The following ITGA9 variants were observed in gnomAD, a reference collection of about 807,000 sequenced individuals.
The protein encoded by ITGA9 is integrin subunit alpha 9.
In ITGA9, 56 loss-of-function variants were observed where a neutral mutation model predicts 127.8. That is an observed-to-expected ratio of 0.44 (90% CI 0.35 to 0.55). The LOEUF is 0.55. Among genes scored for constraint, ITGA9 ranks in the 20% least tolerant of loss-of-function variants. ITGA9 has a pLI of 0.00. For synonymous variants in ITGA9, 508 were observed against 514.5 expected (o/e 0.99, Z 0.17); for missense variants, 1,196 against 1,347.1 (o/e 0.89, Z 1.76).
At chr3:37,576,302 A>G (rs1414167184) in intron 15 of ITGA9, among the ~76,000 whole-genome samples, 1 of 152,148 alleles carries the variant, frequency 6.6e-6, no homozygotes, top group Non-Finnish European at 1.5e-5. Flanking sequence ...TTTAACAGAA[A>G]CACGCGTAAC....
intron 23 of ITGA9, among the ~76,000 whole-genome samples, chr3:37,758,259 CTTGCAGTGAGCCGAGA>C (rs1696678670): frequency 7.6e-6 from 1 of 131,596 alleles, no homozygotes; most frequent in Non-Finnish European, 1.5e-5. Context: ...GGAAGCGGAG[CTTGCAGTGAGCCGAGA>C]TTGCGCCACT....
intron 15 of ITGA9, among the ~76,000 whole-genome samples, chr3:37,561,539 A>G (rs1699487796): frequency 6.6e-6 from 1 of 152,220 alleles, no homozygotes; most frequent in African/African-American, 2.4e-5. Flanking sequence ...CACTTACAAA[A>G]GTTAAGAAGC....
chr3:37,614,555 C>T (rs1223474691), intron 15 of ITGA9, among the ~76,000 whole-genome samples: 2 of 150,854 alleles, frequency 1.3e-5, no homozygotes. Context: ...TTACCTTGGG[C>T]AGTATGGCCA....
intron 1 of ITGA9, among the ~76,000 whole-genome samples, chr3:37,455,403 A>G (rs981295887): frequency 3.9e-5 from 6 of 152,248 alleles, no homozygotes; most frequent in African/African-American, 9.6e-5. Context: ...GTATTACCAA[A>G]GTGCCAGTGA....
chr3:37,512,053 TTTCTTTCTTTCTTTCTTTCTTTCC>T lies in ITGA9; in HGVS notation c.898-1706_898-1683del, dbSNP rs1192242234. ...CTTTCTTTCTTTCTTTCTTTCTTTC[TTTCTTTCTTTCTTTCTTTCTTTCC>T]TTCCTTCCTTCCTTCCTTCCTTCCT... is the stretch of plus-strand genomic sequence containing the variant. On this transcript the variant is annotated intron_variant, in intron 8 of 27. Coordinates refer to ENST00000264741, the MANE Select transcript of ITGA9 (RefSeq NM_002207.3). 2.4e-4 allele frequency among the ~76,000 whole-genome samples: 14 copies of T among 57,578 alleles called. 1 individual carries two copies. The highest frequency in any genetic ancestry group is 5.0e-4 in the African/African-American group (10 of 20,074). The allele number at this position is 57,578 out of a possible 152,430, so 37.8% of individuals were successfully genotyped here.
intron 23 of ITGA9, among the ~76,000 whole-genome samples, chr3:37,774,066 A>C (rs1696875414): frequency 6.6e-6 from 1 of 152,194 alleles, no homozygotes; most frequent in Non-Finnish European, 1.5e-5. Context: ...TGAAATGCAG[A>C]ACTTCTTGAA....
At chr3:37,565,460 T>G (rs1388495940) in intron 15 of ITGA9, among the ~76,000 whole-genome samples, 24 of 152,212 alleles carry the variant, frequency 1.6e-4, no homozygotes, top group Non-Finnish European at 1.5e-5. Context: ...AATTGCCATA[T>G]ATGCTATGCA....
chr3:37,739,605 C>T (rs766171245), intron 20 of ITGA9, among the ~76,000 whole-genome samples: 12 of 152,240 alleles, frequency 7.9e-5, no homozygotes, highest in Non-Finnish European at 1.8e-4. Context: ...TGAACCTCTC[C>T]TCTCAGCAGC....
At chr3:37,768,588 A>C (rs907640896) in intron 23 of ITGA9, among the ~76,000 whole-genome samples, 2 of 152,160 alleles carry the variant, frequency 1.3e-5, no homozygotes, top group Non-Finnish European at 2.9e-5. Flanking sequence ...GGGGTGGGTC[A>C]TGTTTACCCG....
chr3:37,625,196 C>G (rs966175566), intron 15 of ITGA9, among the ~76,000 whole-genome samples: 1 of 152,130 alleles, frequency 6.6e-6, no homozygotes, highest in Non-Finnish European at 1.5e-5. Context: ...CTCTGGGAAG[C>G]CTGCCAGCCC....
Position 37,512,014 on chromosome 3 carries a change from T to TTCC in ITGA9, c.898-1748_898-1747insCCT, listed in dbSNP as rs1559524445. ...TTTTCTTTTCTTTTCTTTTCTTTTC[T>TTCC]TTTCTTTTCTTTTCTTTCTTTCTTT... On this transcript the variant is annotated intron_variant, in intron 8 of 27. Coordinates refer to ENST00000264741, the MANE Select transcript of ITGA9 (RefSeq NM_002207.3). Among the ~76,000 whole-genome samples the TTCC allele has an allele frequency of 9.7e-4, 31 of 31,898 alleles. 4 individuals carry two copies. The highest frequency in any genetic ancestry group is 1.7e-3 in the Non-Finnish European group (24 of 13,972). The allele number at this position is 31,898 out of a possible 152,430, so 20.9% of individuals were successfully genotyped here.
chr3:37,654,176 A>T (rs1262202012), intron 17 of ITGA9, among the ~76,000 whole-genome samples: 1 of 144,734 alleles, frequency 6.9e-6, no homozygotes, highest in Non-Finnish European at 1.5e-5. Flanking sequence ...ATAAAGGTTT[A>T]TGCCCTCCTG....
chr3:37,618,559 G>T (rs1321345196), intron 15 of ITGA9, among the ~76,000 whole-genome samples: 1 of 152,228 alleles, frequency 6.6e-6, no homozygotes, highest in Non-Finnish European at 1.5e-5. Context: ...TACCCCCAGA[G>T]GTGGAGTCTA....
At chr3:37,692,687 A>G (rs958970330) in intron 18 of ITGA9, among the ~76,000 whole-genome samples, 1 of 151,752 alleles carries the variant, frequency 6.6e-6, no homozygotes, top group Non-Finnish European at 1.5e-5. Flanking sequence ...GTTTAGGGAT[A>G]TTGACTTTTT....
At chr3:37,810,297 G>A (rs1432506303) in intron 27 of ITGA9, among the ~76,000 whole-genome samples, 1 of 152,246 alleles carries the variant, frequency 6.6e-6, no homozygotes, top group Non-Finnish European at 1.5e-5. Flanking sequence ...CTGAAGGTCT[G>A]CATGCTTTAT....
At chr3:37,741,321 A>G (rs570381470) in intron 20 of ITGA9, among the ~76,000 whole-genome samples, 2 of 146,564 alleles carry the variant, frequency 1.4e-5, no homozygotes, top group South Asian at 2.2e-4. Context: ...CTCAGGAGTC[A>G]GTGGATAAAG....
intron 18 of ITGA9, among the ~76,000 whole-genome samples, chr3:37,726,690 A>C (rs1321699974): frequency 1.3e-5 from 2 of 152,220 alleles, no homozygotes; most frequent in Non-Finnish European, 2.9e-5. Flanking sequence ...AGACCAGCAA[A>C]TGAGCTGCTT....
intron 16 of ITGA9, among the ~76,000 whole-genome samples, chr3:37,634,236 C>T (rs1295064146): frequency 1.3e-5 from 2 of 151,762 alleles, no homozygotes; most frequent in Non-Finnish European, 1.5e-5. Flanking sequence ...AGTAGTAAGT[C>T]CTTACTTATC....
intron 16 of ITGA9, among the ~76,000 whole-genome samples, chr3:37,632,992 C>A (rs752710587): frequency 3.9e-5 from 6 of 152,068 alleles, no homozygotes; most frequent in Non-Finnish European, 8.8e-5. Context: ...TTCAACAAAA[C>A]AAAAATGACA....
Sources: gnomAD v4.1 joint callset for allele counts (sites outside exome capture counted in the v4.1 genomes callset) on GRCh38, gnomAD v4.1.1 for gene constraint, MANE v1.5 for transcripts, NCBI Gene and HGNC (gene_info 2026-07-23, HGNC 2026-07-21) for gene names.